Variants in BICC1 observed in about 807,000 individuals in gnomAD.
BICC1 encodes protein bicaudal C homolog 1.
In BICC1, 43 loss-of-function variants were observed where a neutral mutation model predicts 111.0. That is an observed-to-expected ratio of 0.39 (90% CI 0.30 to 0.50). BICC1 has a LOEUF of 0.50. Among genes scored for constraint, BICC1 ranks in the 20% least tolerant of loss-of-function variants. The pLI, the probability that BICC1 is intolerant of heterozygous loss-of-function variation, is 0.88. For synonymous variants in BICC1, 467 were observed against 434.4 expected, an observed-to-expected ratio of 1.07 and a Z score of -0.93; for missense variants, 1,091 against 1,203.2, an observed-to-expected ratio of 0.91 and a Z score of 1.38.
intron 2 of BICC1, among the ~76,000 whole-genome samples, chr10:58,679,518 G>A (rs112669987): frequency 5.9e-5 from 9 of 151,914 alleles, no homozygotes; most frequent in African/African-American, 2.2e-4. Context: ...GACCAATAAC[G>A]AGTTCTGAAA....
chr10:58,564,169 C>A (rs1843688625), intron 1 of BICC1, among the ~76,000 whole-genome samples: 1 of 151,864 alleles, frequency 6.6e-6, no homozygotes, highest in African/African-American at 2.4e-5. Flanking sequence ...CTTCTTTTTC[C>A]TTTTCTTTTT....
intron 19 of BICC1, among the ~76,000 whole-genome samples, chr10:58,819,113 CATTT>C (rs1844181502): frequency 6.6e-6 from 1 of 152,114 alleles, no homozygotes; most frequent in Non-Finnish European, 1.5e-5. Flanking sequence ...CAGCCACATT[CATTT>C]GTTTACATAT....
intron 9 of BICC1, 96 bp downstream of exon 9, chr10:58,793,711 C>G: frequency 7.3e-7 from 1 of 1,368,520 alleles, no homozygotes; most frequent in Middle Eastern, 1.9e-4. Context: ...ATACATGAAA[C>G]TGTTACTCTA....
intron 17 of BICC1, among the ~76,000 whole-genome samples, chr10:58,807,666 T>C (rs532142864): frequency 1.1e-3 from 160 of 152,316 alleles, no homozygotes; most frequent in African/African-American, 3.7e-3. Flanking sequence ...TCCCAGATGT[T>C]GGCTGCCCTG....
At chr10:58,789,517 A>G in intron 7 of BICC1, 61 bp downstream of exon 7, 1 of 1,523,738 alleles carries the variant, frequency 6.6e-7, no homozygotes, top group Non-Finnish European at 8.9e-7. Flanking sequence ...TTTCATTTTT[A>G]AAGAATATTA....
At position 58,752,004 on chromosome 10, in the gene BICC1, C is replaced by A. The variant is rs559211371; in HGVS notation, c.308-32997C>A. 9.2e-5 allele frequency among the ~76,000 whole-genome samples: 14 copies of A among 152,268 alleles called. No homozygotes were observed. In the South Asian group the frequency reaches 2.7e-3, roughly 29 times the overall value. On this transcript the variant is annotated intron_variant, in intron 3 of 20. Transcript: ENST00000373886. The stretch of plus-strand genomic sequence containing the variant: ...CTGTTATAACCTTCTCTACATTATA[C>A]CTCACTATGATTTCACATGAGCTAT...
chr10:58,574,833 C>A (rs1209311267), intron 1 of BICC1, among the ~76,000 whole-genome samples: 1 of 152,078 alleles, frequency 6.6e-6, no homozygotes, highest in Admixed American at 6.6e-5. Flanking sequence ...TACGTTTCTG[C>A]AAACTTCTTG....
intron 1 of BICC1, among the ~76,000 whole-genome samples, chr10:58,613,063 A>G (rs1042312278): frequency 3.3e-5 from 5 of 152,240 alleles, no homozygotes; most frequent in African/African-American, 4.8e-5. Context: ...ATGAAATAAA[A>G]TATGGCAAAG....
chr10:58,728,458 T>C (rs1050053462), intron 3 of BICC1, among the ~76,000 whole-genome samples: 2 of 152,156 alleles, frequency 1.3e-5, no homozygotes, highest in African/African-American at 4.8e-5. Context: ...ATTACAGTTC[T>C]CTTGCTGTTT....
chr10:58,619,162 C>A (rs1454907388), intron 1 of BICC1, among the ~76,000 whole-genome samples: 1 of 152,150 alleles, frequency 6.6e-6, no homozygotes, highest in Non-Finnish European at 1.5e-5. Context: ...ATCTCTTTTG[C>A]CGTGTAAGAT....
chr10:58,640,841 C>T lies in BICC1; in HGVS notation c.237+19940C>T, dbSNP rs115052653. Among the ~76,000 whole-genome samples the T allele has an allele frequency of 3.5e-3, 527 of 152,276 alleles. 3 individuals carry two copies. Among genetic ancestry groups the T allele is most frequent in the African/African-American group, 0.012 (499 of 41,566 alleles). ...GAAGGGACCTATTACATGGTGAACA[C>T]ATCAAGTAAAAAGCTCTTCAATTTT... On this transcript the variant is annotated intron_variant, in intron 2 of 20. Transcript: ENST00000373886.
At chr10:58,537,270 A>C (rs1842849450) in intron 1 of BICC1, among the ~76,000 whole-genome samples, 1 of 151,736 alleles carries the variant, frequency 6.6e-6, no homozygotes, top group African/African-American at 2.4e-5. Flanking sequence ...CAAAATAAGA[A>C]AACTACAGAC....
chr10:58,772,735 A>G (rs111538066), intron 3 of BICC1, among the ~76,000 whole-genome samples: 5 of 152,326 alleles, frequency 3.3e-5, no homozygotes, highest in African/African-American at 1.2e-4. Flanking sequence ...GAAGATAATC[A>G]ATAGACATCC....
chr10:58,552,587 G>A lies in BICC1; in HGVS notation c.190+39254G>A, dbSNP rs887180369. ...CCTGACCTTGTGATCCACCCGCCTC[G>A]GCGTCCCAAAGTTCTGGGATTACAG... On this transcript the variant is annotated intron_variant, in intron 1 of 20. Coordinates refer to ENST00000373886, the MANE Select transcript of BICC1 (RefSeq NM_001080512.3). Among the ~76,000 whole-genome samples the A allele has an allele frequency of 3.3e-5, 5 of 152,132 alleles. No homozygotes were observed. In the East Asian group the frequency reaches 5.8e-4, roughly 18 times the overall value.
chr10:58,826,241 A>G (rs1772245648), intron 20 of BICC1, among the ~76,000 whole-genome samples: 1 of 152,232 alleles, frequency 6.6e-6, no homozygotes, highest in African/African-American at 2.4e-5. Context: ...ATTAATGACA[A>G]CAAAAGATGG....
intron 2 of BICC1, among the ~76,000 whole-genome samples, chr10:58,688,223 G>A (rs898723779): frequency 6.6e-5 from 10 of 152,108 alleles, no homozygotes; most frequent in South Asian, 2.1e-4. Flanking sequence ...CTGCTGGCTC[G>A]GGTGGCCAGC....
At chr10:58,675,199 C>A (rs910172267) in intron 2 of BICC1, among the ~76,000 whole-genome samples, 3 of 152,044 alleles carry the variant, frequency 2.0e-5, no homozygotes, top group African/African-American at 7.3e-5. Context: ...AGGATTTGAA[C>A]ACAGATATCT....
intron 3 of BICC1, among the ~76,000 whole-genome samples, chr10:58,719,051 C>T (rs1413986982): frequency 6.6e-6 from 1 of 152,074 alleles, no homozygotes; most frequent in Non-Finnish European, 1.5e-5. Flanking sequence ...TGAATTGGCT[C>T]ATATTCCATT....
chr10:58,617,806 G>A (rs573087009), intron 1 of BICC1, among the ~76,000 whole-genome samples: 32 of 152,366 alleles, frequency 2.1e-4, no homozygotes, highest in Admixed American at 1.9e-3. Flanking sequence ...AAACCTATGG[G>A]AGGAAGGATG....
Sources: allele counts gnomAD v4.1 joint callset (sites outside exome capture counted in the v4.1 genomes callset), GRCh38; gene constraint gnomAD v4.1.1; transcripts MANE v1.5; gene names NCBI Gene and HGNC (gene_info 2026-07-23, HGNC 2026-07-21).